Variants in SUPT5H observed in about 807,000 individuals in gnomAD.
SUPT5H encodes SPT5 homolog, DSIF elongation factor subunit, also known as transcription elongation factor SPT5.
Under a neutral mutation model 142.5 loss-of-function variants are expected in SUPT5H, and 24 were observed. The ratio of observed to expected loss-of-function variants is 0.17; its 90% CI spans 0.12 to 0.24. The LOEUF (loss-of-function observed/expected upper bound fraction) is 0.24. SUPT5H is among the 10% of genes least tolerant of loss of function. SUPT5H has a pLI of 1.00. For synonymous variants in SUPT5H, 546 were observed against 553.0 expected (o/e 0.99, Z 0.18); for missense variants, 893 against 1,471.8 (o/e 0.61, Z 6.43).
At chr19:39,457,613 C>T (rs1041558837) in intron 3 of SUPT5H, 62 bp from the exon 4 acceptor site, 20 of 1,585,196 alleles carry the variant, frequency 1.3e-5, no homozygotes, top group Middle Eastern at 3.4e-4. Context: ...GGAGATGCTT[C>T]GTGTCCTGGG....
chr19:39,458,672 G>A lies in SUPT5H; in HGVS notation c.320-146G>A. The A allele has an allele frequency of 1.3e-6, 1 of 786,236 alleles. No homozygotes were observed. The highest frequency in any genetic ancestry group is 2.0e-6 in the Non-Finnish European group (1 of 494,030). 48.7% of individuals were successfully genotyped at this position (786,236 alleles called of 1,614,324 possible). ...AGGATGCTGAGTAGGACAGAGTAGGGGATGAGGGGTTGGGATTTCCTCTGT... is the reference window on the plus strand; with the variant it reads ...AGGATGCTGAGTAGGACAGAGTAGGAGATGAGGGGTTGGGATTTCCTCTGT... On this transcript the variant is annotated intron_variant, in intron 5 of 29. Transcript: ENST00000432763. The surrounding 1 kb of genome is among the most constrained non-coding windows in gnomAD (Gnocchi z 4.2).
In SUPT5H at chr19:39,474,463, G is replaced by A; in HGVS notation, c.2821-52G>A. 2 of 1,611,212 alleles carry A rather than the reference G, an allele frequency of 1.2e-6. No individual in the cohort carries two copies. The highest frequency in any genetic ancestry group is 2.2e-5 in the South Asian group (2 of 90,930). On this transcript the variant is annotated intron_variant, in intron 27 of 29. Transcript: ENST00000432763. The surrounding 1 kb of genome is among the most constrained non-coding windows in gnomAD (Gnocchi z 6.5). ...GCTAGGGTGACTTTGGGCATATAGG[G>A]TCGGCCAGGCCAGATGACTATTCCC...
intron 10 of SUPT5H, among the ~76,000 whole-genome samples, chr19:39,463,868 G>T (rs1447411174): frequency 6.6e-6 from 1 of 152,038 alleles, no homozygotes; most frequent in Non-Finnish European, 1.5e-5. Context: ...CTATCTTCCT[G>T]ATGGATTGAC....
chr19:39,459,430 G>C, intron 8 of SUPT5H, 129 bp from the exon 9 acceptor site: 1 of 1,374,132 alleles, frequency 7.3e-7, no homozygotes, highest in East Asian at 2.3e-5. Context: ...GGGTAGAAGC[G>C]TGGGGAAGTC....
chr19:39,471,967 G>C (rs1336853996), intron 20 of SUPT5H: 1 of 598,014 alleles, frequency 1.7e-6, no homozygotes, highest in African/African-American at 1.9e-5. Flanking sequence ...AGACACTGGA[G>C]AACCAGTGGT....
Position 39,474,557 on chromosome 19 carries a change from C to A in SUPT5H, c.2863C>A (p.Pro955Thr), listed in dbSNP as rs1308073904. The change falls in exon 28 of 30, where the codon CCT becomes ACT. Residue 955 changes from proline to threonine, a missense_variant. Transcript: ENST00000432763. The surrounding 1 kb of genome is among the most constrained non-coding windows in gnomAD (Gnocchi z 6.5). ...PSPVGYSPMT[P>T]GAPSPGGYNP... is the part of the protein sequence containing the mutation. ...CCCCGTTGGCTACAGTCCTATGACA[C>A]CTGGAGCTCCCTCCCCTGGTGGCTA... 1.9e-6 allele frequency: 3 copies of A among 1,614,240 alleles called. No homozygotes were observed. Among genetic ancestry groups the A allele is most frequent in the Non-Finnish European group, 2.5e-6 (3 of 1,180,042 alleles).
At position 39,472,557 on chromosome 19, in the gene SUPT5H, C is replaced by T; in HGVS notation, c.2035+64C>T. ...AGGGGCTGGAAGGAACTTGGTTGTTCAGCCTACACTCACTGAGTGCCTGTG... is the reference window on the plus strand; with the variant it reads ...AGGGGCTGGAAGGAACTTGGTTGTTTAGCCTACACTCACTGAGTGCCTGTG... On this transcript the variant is annotated intron_variant, in intron 21 of 29. Coordinates refer to ENST00000432763, the MANE Select transcript of SUPT5H (RefSeq NM_001111020.3). This position sits in a 1 kb window ranked among gnomAD's most constrained non-coding sequence, Gnocchi z 4.2. 6.4e-7 allele frequency: 1 copy of T among 1,568,150 alleles called. No homozygotes were observed. The highest frequency in any genetic ancestry group is 8.8e-7 in the Non-Finnish European group (1 of 1,141,922).
chr19:39,459,083 TGGTGGGGGCA>T lies in SUPT5H; in HGVS notation c.458+23_458+32del, dbSNP rs764109570. 11 of 1,611,700 alleles carry T rather than the reference TGGTGGGGGCA, an allele frequency of 6.8e-6. No homozygotes were observed. The highest frequency in any genetic ancestry group is 1.4e-5 in the African/African-American group (1 of 74,036). ...CATCTGTGGGAGAGACGTAAGGGCATGGTGGGGGCAGGTGGGGGCAGGGAGCAGGTGGTCC... is the reference window on the plus strand; with the variant it reads ...CATCTGTGGGAGAGACGTAAGGGCATGGTGGGGGCAGGGAGCAGGTGGTCC... On this transcript the variant is annotated intron_variant, in intron 7 of 29. Transcript: ENST00000432763.
rs756944072 is a variant in SUPT5H at position 39,458,514 on chromosome 19, G to C, written c.319+209G>C. The stretch of plus-strand genomic sequence containing the variant: ...GGGAAAGCACGGATGTGTCTGTCTG[G>C]GACTGAGCATTTGTGGGTGGTAGCG... On this transcript the variant is annotated intron_variant, in intron 5 of 29. Transcript: ENST00000432763. This position sits in a 1 kb window ranked among gnomAD's most constrained non-coding sequence, Gnocchi z 4.2. The C allele has an allele frequency of 2.8e-5, 27 of 975,470 alleles. No homozygotes were observed. Among genetic ancestry groups the C allele is most frequent in the Non-Finnish European group, 4.0e-5 (26 of 655,674 alleles). 60.4% of individuals were successfully genotyped at this position (975,470 alleles called of 1,614,324 possible).
rs1395381051 is a variant in SUPT5H, at chr19:39,459,208, C to G, written c.483C>G (p.Leu161=). ...GETVYGGSDE[L]SDDITQQQLL... ...GGGTGTATGGAGGATCTGATGAGCT[C>G]TCAGACGACATCACCCAGCAGCAGC... The change falls in exon 8 of 30, where the codon CTC becomes CTG. Residue 161 remains leucine (L), a synonymous_variant. Transcript: ENST00000432763. The G allele has an allele frequency of 6.3e-7, 1 of 1,578,662 alleles. No individual in the cohort carries two copies. Among genetic ancestry groups the G allele is most frequent in the Non-Finnish European group, 8.6e-7 (1 of 1,161,882 alleles).
At chr19:39,460,566 C>T (rs913514473) in intron 10 of SUPT5H, among the ~76,000 whole-genome samples, 7 of 151,840 alleles carry the variant, frequency 4.6e-5, no homozygotes, top group African/African-American at 1.4e-4. Flanking sequence ...GGTGAAACCC[C>T]GTCTCTACTA....
At position 39,459,134 on chromosome 19, in the gene SUPT5H, C is replaced by T. The variant is rs112962092; in HGVS notation, c.459-50C>T. 4.2e-4 allele frequency: 684 copies of T among 1,611,448 alleles called. 4 individuals carry two copies. The African/African-American group carries it at 7.6e-3, about 18-fold the overall frequency. On this transcript the variant is annotated intron_variant, in intron 7 of 29. Coordinates refer to ENST00000432763, the MANE Select transcript of SUPT5H (RefSeq NM_001111020.3). ...CAGGTGGTCCCTAAGCGGGAAGGGG[C>T]GGGGATCTGACAGAGCTTCACCCCT...
intron 8 of SUPT5H, 46 bp downstream of exon 8, chr19:39,459,295 G>T (rs189785280): frequency 1.9e-6 from 3 of 1,550,598 alleles, no homozygotes; most frequent in African/African-American, 1.4e-5. Context: ...TGCGAATCTT[G>T]TATGGGGTGA....
At chr19:39,463,749 A>G (rs1469792616) in intron 10 of SUPT5H, among the ~76,000 whole-genome samples, 3 of 152,142 alleles carry the variant, frequency 2.0e-5, no homozygotes, top group Non-Finnish European at 4.4e-5. Context: ...AAAGCAGGGT[A>G]TTGCAGTCAG....
intron 7 of SUPT5H, 49 bp from the exon 8 acceptor site, chr19:39,459,134 CG>C: frequency 6.2e-7 from 1 of 1,611,448 alleles, no homozygotes; most frequent in Non-Finnish European, 8.5e-7. Context: ...CGGGAAGGGG[CG>C]GGGATCTGAC....
Position 39,459,592 on chromosome 19 carries a change from A to C in SUPT5H, c.555+3A>C. On this transcript the variant is annotated splice_donor_region_variant and intron_variant, in intron 9 of 29. Transcript: ENST00000432763. ...ATCTGTGGACTGTCAAATGTAAGGT[A>C]TGTGCTCTGATCTCGGGGCTTGGAG... 1 of 1,613,732 alleles carries C rather than the reference A, an allele frequency of 6.2e-7. No individual in the cohort carries two copies. The highest frequency in any genetic ancestry group is 1.1e-5 in the South Asian group (1 of 91,068).
chr19:39,453,000 G>A (rs1402164934), intron 2 of SUPT5H, among the ~76,000 whole-genome samples: 1 of 133,670 alleles, frequency 7.5e-6, no homozygotes, highest in Non-Finnish European at 1.6e-5. Context: ...GAGACAGAGT[G>A]GGACTCTGTC....
chr19:39,471,330 C>G (rs1422610628), intron 18 of SUPT5H, 27 bp from the exon 19 acceptor site: 1 of 1,614,042 alleles, frequency 6.2e-7, no homozygotes, highest in Non-Finnish European at 8.5e-7. Flanking sequence ...TTCTCACCCC[C>G]ACAGCCTCCC....
intron 14 of SUPT5H, 99 bp downstream of exon 14, chr19:39,468,960 C>G (rs2079280446): frequency 1.3e-6 from 2 of 1,534,002 alleles, no homozygotes; most frequent in African/African-American, 1.4e-5. Flanking sequence ...TCCCACTCCT[C>G]AAGTTAGGAG....
Sources: allele counts gnomAD v4.1 joint callset (sites outside exome capture counted in the v4.1 genomes callset), GRCh38; gene constraint gnomAD v4.1.1; non-coding constraint Gnocchi (gnomAD v3.1); transcripts MANE v1.5; gene names NCBI Gene and HGNC (gene_info 2026-07-23, HGNC 2026-07-21).